PLXNA2: variants seen among roughly 807,000 people sequenced by gnomAD.
PLXNA2 encodes plexin A2, also known as plexin-A2.
In PLXNA2, 91 loss-of-function variants were observed where a neutral mutation model predicts 193.5. That is an observed-to-expected ratio of 0.47 (90% CI 0.40 to 0.56). The LOEUF (loss-of-function observed/expected upper bound fraction) is 0.56, where lower values mean the gene tolerates loss of function less well. PLXNA2 is among the 20% of genes least tolerant of loss of function. The pLI is 0.00. For missense variants in PLXNA2, 1,995 were observed against 2,503.2 expected (o/e 0.80, Z 4.33); for synonymous variants, 997 against 1,027.3 (o/e 0.97, Z 0.56).
In PLXNA2 at chr1:208,092,872, G is replaced by A. The variant is rs1384595522; in HGVS notation, c.2011C>T (p.Arg671Cys). 6.8e-6 allele frequency: 11 copies of A among 1,613,846 alleles called. No individual in the cohort carries two copies. The highest frequency in any genetic ancestry group is 1.6e-4 in the Middle Eastern group (1 of 6,082). The change falls in exon 9 of 32, where the codon CGC becomes TGC. Residue 671 changes from arginine to cysteine, a missense_variant. Arg to Cys is a radical substitution (Grantham distance 180). Coordinates refer to ENST00000367033, the MANE Select transcript of PLXNA2 (RefSeq NM_025179.4). ...LCLSCVNSAF[R>C]CHWCKYRNLC... ...TTGCGGTACTTGCACCAATGGCAGC[G>A]GAAGGCGCTGTTGACACAGGACAGG...
At chr1:208,125,891 G>T (rs1667961639) in intron 4 of PLXNA2, among the ~76,000 whole-genome samples, 1 of 152,212 alleles carries the variant, frequency 6.6e-6, no homozygotes, top group African/African-American at 2.4e-5. Flanking sequence ...ATAAGAGTTA[G>T]AGAAATTCAG....
At chr1:208,089,916 C>A (rs1344799706) in intron 9 of PLXNA2, among the ~76,000 whole-genome samples, 1 of 152,100 alleles carries the variant, frequency 6.6e-6, no homozygotes, top group Non-Finnish European at 1.5e-5. Flanking sequence ...GGAAACCTTA[C>A]CCAAGTTGGG....
intron 3 of PLXNA2, among the ~76,000 whole-genome samples, chr1:208,203,604 C>T (rs113568573): frequency 0.016 from 2,510 of 152,230 alleles, 84 homozygotes; most frequent in African/African-American, 0.055. Context: ...GCCTTCCATC[C>T]GCCAAGGCAA....
At chr1:208,100,793 C>T (rs1052769594) in intron 5 of PLXNA2, among the ~76,000 whole-genome samples, 2 of 152,220 alleles carry the variant, frequency 1.3e-5, no homozygotes, top group Non-Finnish European at 2.9e-5. Flanking sequence ...ATCTTCATCT[C>T]GGGCTCTAGG....
At chr1:208,243,286 C>T (rs1310395276) in intron 1 of PLXNA2, among the ~76,000 whole-genome samples, 1 of 152,136 alleles carries the variant, frequency 6.6e-6, no homozygotes, top group Admixed American at 6.5e-5. Flanking sequence ...TCAGGACAGC[C>T]TTGCCGCCCC....
chr1:208,127,750 G>C (rs567465473), intron 4 of PLXNA2, among the ~76,000 whole-genome samples: 1 of 152,202 alleles, frequency 6.6e-6, no homozygotes, highest in Non-Finnish European at 1.5e-5. Flanking sequence ...GCTGACTTAC[G>C]GAGTAACTCC....
Position 208,022,702 on chromosome 1 carries a change from A to T in PLXNA2, c.*4541T>A, listed in dbSNP as rs1310155325. On this transcript the variant is annotated 3_prime_UTR_variant, in exon 32 of 32. Transcript: ENST00000367033. ...TGCCAAGATGAAGGCCAAATAAGTC[A>T]AAGTGAGGACTTTGAAATGCAGAAG... The T allele has an allele frequency of 6.6e-6, 1 of 152,614 alleles. No homozygotes were observed. Among genetic ancestry groups the T allele is most frequent in the African/African-American group, 2.4e-5 (1 of 41,460 alleles). The allele number at this position is 152,614 out of a possible 1,614,324, so 9.5% of individuals were successfully genotyped here.
chr1:208,032,314 G>A (rs1664528860), intron 28 of PLXNA2: 1 of 179,182 alleles, frequency 5.6e-6, no homozygotes, highest in Non-Finnish European at 1.1e-5. Flanking sequence ...GCTTTGGAGG[G>A]TCTCTGGGGC....
At chr1:208,051,137 C>G (rs752799402) in intron 16 of PLXNA2, 35 bp from the exon 17 acceptor site, 4 of 1,601,736 alleles carry the variant, frequency 2.5e-6, no homozygotes, top group Non-Finnish European at 3.4e-6. Flanking sequence ...AGGTAAAAAA[C>G]CCCCTCAAAT....
intron 1 of PLXNA2, among the ~76,000 whole-genome samples, chr1:208,237,307 A>G (rs1030651407): frequency 6.6e-6 from 1 of 152,220 alleles, no homozygotes; most frequent in African/African-American, 2.4e-5. Flanking sequence ...CTTCCATTTA[A>G]TAACTTCATT....
chr1:208,180,922 G>A (rs1203174463), intron 3 of PLXNA2, among the ~76,000 whole-genome samples: 1 of 152,238 alleles, frequency 6.6e-6, no homozygotes, highest in African/African-American at 2.4e-5. Context: ...AGCTTCTGGG[G>A]TCTCCCCCTG....
Position 208,044,873 on chromosome 1 carries a change from C to A in PLXNA2, c.3640-131G>T. 4.1e-6 allele frequency: 4 copies of A among 976,860 alleles called. No homozygotes were observed. The highest frequency in any genetic ancestry group is 1.6e-5 in the South Asian group (1 of 62,316). 60.5% of individuals were successfully genotyped at this position (976,860 alleles called of 1,614,324 possible). On this transcript the variant is annotated intron_variant, in intron 19 of 31. Coordinates refer to ENST00000367033, the MANE Select transcript of PLXNA2 (RefSeq NM_025179.4). The surrounding 1 kb of genome is among the most constrained non-coding windows in gnomAD (Gnocchi z 4.9). Reference sequence around the variant, plus strand: ...ACACAGTGCAGCTCTAGATAAAAAGCAATTTCCTGCCTCGGCATCTGCCTT... The same window carrying A: ...ACACAGTGCAGCTCTAGATAAAAAGAAATTTCCTGCCTCGGCATCTGCCTT...
At chr1:208,093,703 G>T (rs1468286608) in intron 8 of PLXNA2, among the ~76,000 whole-genome samples, 1 of 152,210 alleles carries the variant, frequency 6.6e-6, no homozygotes, top group Non-Finnish European at 1.5e-5. Context: ...CCCCAGGCAT[G>T]GAACAGTAGG....
Position 208,028,245 on chromosome 1 carries a change from C to T in PLXNA2, c.5439-86G>A. ...CCCGGGCCCAGGTCCTTCGAGGGCACTGATGTACCCAGTTGCTCCTGCCTC... is the reference window on the plus strand; with the variant it reads ...CCCGGGCCCAGGTCCTTCGAGGGCATTGATGTACCCAGTTGCTCCTGCCTC... On this transcript the variant is annotated intron_variant, in intron 30 of 31. Transcript: ENST00000367033. The surrounding 1 kb of genome is among the most constrained non-coding windows in gnomAD (Gnocchi z 4.2). 3.1e-6 allele frequency: 4 copies of T among 1,283,340 alleles called. No individual in the cohort carries two copies. The highest frequency in any genetic ancestry group is 4.3e-6 in the Non-Finnish European group (4 of 935,534). 79.5% of individuals were successfully genotyped at this position (1,283,340 alleles called of 1,614,324 possible).
chr1:208,032,298 C>A (rs7520548), intron 28 of PLXNA2: 2,570 of 215,880 alleles, frequency 0.012, 68 homozygotes, highest in African/African-American at 0.056. Flanking sequence ...AGTGCTGATC[C>A]ACAGGGCTTT....
At chr1:208,192,199 C>T (rs1205357349) in intron 3 of PLXNA2, among the ~76,000 whole-genome samples, 2 of 152,186 alleles carry the variant, frequency 1.3e-5, no homozygotes, top group African/African-American at 4.8e-5. Context: ...TGCTCTGATC[C>T]ATTCTCCTGG....
At chr1:208,179,879 A>C (rs993249824) in intron 3 of PLXNA2, among the ~76,000 whole-genome samples, 36 of 151,782 alleles carry the variant, frequency 2.4e-4, no homozygotes, top group Non-Finnish European at 4.7e-4. Flanking sequence ...CCACCCCCCA[A>C]CCCCTGCCTA....
At chr1:208,065,132 G>T (rs1665748427) in intron 12 of PLXNA2, among the ~76,000 whole-genome samples, 1 of 152,212 alleles carries the variant, frequency 6.6e-6, no homozygotes, top group South Asian at 2.1e-4. Flanking sequence ...GTCTCCCACA[G>T]AGGTGAGGAT....
intron 5 of PLXNA2, among the ~76,000 whole-genome samples, chr1:208,101,518 C>T (rs1020067960): frequency 5.3e-5 from 8 of 152,144 alleles, no homozygotes; most frequent in African/African-American, 1.7e-4. Flanking sequence ...GGAGGATTCT[C>T]TAAAGAGTTA....
Sources: gnomAD v4.1 joint callset for allele counts (sites outside exome capture counted in the v4.1 genomes callset) on GRCh38, gnomAD v4.1.1 for gene constraint, Gnocchi (gnomAD v3.1) non-coding constraint, MANE v1.5 for transcripts, NCBI Gene and HGNC (gene_info 2026-07-23, HGNC 2026-07-21) for gene names.